MYZAP: variants seen among roughly 807,000 people sequenced by gnomAD.
MYZAP encodes the protein myocardial zonula adherens protein, also known as GRINL1A complex locus upstream.
MYZAP carries 66 observed loss-of-function variants against 69.4 expected under a neutral mutation model. That is an observed-to-expected ratio of 0.95 (90% CI 0.78 to 1.17). The LOEUF (loss-of-function observed/expected upper bound fraction) is 1.17. MYZAP is among the 50% of genes most tolerant of loss of function. MYZAP has a pLI of 0.00. For missense variants in MYZAP, 611 were observed against 556.2 expected (o/e 1.10, Z -0.99); for synonymous variants, 256 against 205.9 (o/e 1.24, Z -2.09).
At chr15:57,647,239 C>T (rs1370889398) in intron 10 of MYZAP, 2 of 985,296 alleles carry the variant, frequency 2.0e-6, no homozygotes, top group African/African-American at 3.5e-5. Context: ...TACTTTTCCG[C>T]ATTAGTTATT....
In MYZAP at chr15:57,637,702, A is replaced by G. The variant is rs1319616605; in HGVS notation, c.941A>G (p.His314Arg). 2 of 1,612,822 alleles carry G rather than the reference A, an allele frequency of 1.2e-6. No individual in the cohort carries two copies. Among genetic ancestry groups the G allele is most frequent in the Admixed American group, 3.3e-5 (2 of 59,964 alleles). Residue 314 changes from histidine (H) to arginine (R), a missense_variant, in exon 9 of 13, where the codon CAT (histidine) becomes CGT (arginine). By Grantham distance (29) the His-to-Arg change is conservative (BLOSUM62 0). Transcript: ENST00000267853. Reference sequence around the variant, plus strand: ...AGTTTCTGTTTGTTTTAGGAACGTCATCAACTGCAACTTCAACTCCTAGAA... The same window carrying G: ...AGTTTCTGTTTGTTTTAGGAACGTCGTCAACTGCAACTTCAACTCCTAGAA... ...RLIERMEKER[H>R]QLQLQLLEHE... is the part of the protein sequence containing the mutation.
At chr15:57,620,793 T>A (rs2140393575) in intron 3 of MYZAP, among the ~76,000 whole-genome samples, 1 of 152,246 alleles carries the variant, frequency 6.6e-6, no homozygotes, top group Admixed American at 6.5e-5. Flanking sequence ...TTTGGTTTCT[T>A]TGGTCCTCTT....
At chr15:57,667,915 T>G (rs2038664256) in intron 11 of MYZAP, among the ~76,000 whole-genome samples, 1 of 152,226 alleles carries the variant, frequency 6.6e-6, no homozygotes, top group African/African-American at 2.4e-5. Context: ...GCAACCCAGC[T>G]TTCCATTCAT....
Position 57,675,003 on chromosome 15 carries a change from A to C in MYZAP, c.1239A>C (p.Thr413=). ...TACAAAGCAGGTTGGACTATTTAAC[A>C]GAAACCCAGGCCAAGACCGAAGTGG... ...NELQSRLDYL[T]ETQAKTEVET... is the part of the protein sequence containing the mutation. Residue 413 remains threonine (T), a synonymous_variant, in exon 12 of 13, where the codon ACA becomes ACC. Coordinates refer to ENST00000267853, the MANE Select transcript of MYZAP (RefSeq NM_001018100.5). 1.9e-6 allele frequency: 3 copies of C among 1,613,800 alleles called. No homozygotes were observed. The South Asian group carries it at 3.3e-5, about 18-fold the overall frequency.
intron 6 of MYZAP, among the ~76,000 whole-genome samples, chr15:57,630,630 A>G (rs1214310842): frequency 6.6e-6 from 1 of 152,160 alleles, no homozygotes; most frequent in African/African-American, 2.4e-5. Context: ...CCTTAGCTGA[A>G]CTTCTAATGC....
intron 10 of MYZAP, among the ~76,000 whole-genome samples, chr15:57,644,211 C>T (rs2037324036): frequency 6.6e-6 from 1 of 152,166 alleles, no homozygotes; most frequent in African/African-American, 2.4e-5. Context: ...GTTTCATGTT[C>T]ATGCATTTGG....
At chr15:57,682,638 C>A (rs914425786) in intron 12 of MYZAP, among the ~76,000 whole-genome samples, 1 of 152,246 alleles carries the variant, frequency 6.6e-6, no homozygotes, top group East Asian at 1.9e-4. Context: ...CCTTAAAAAC[C>A]TGCTGTAGTT....
chr15:57,683,427 A>G lies in MYZAP; in HGVS notation c.1305-975A>G, dbSNP rs944232966. Reference sequence around the variant, plus strand: ...AGCACAGCTGTTATGTCTCTGTTATAGTTCCTAACACAGTACATGAAAATT... The same window carrying G: ...AGCACAGCTGTTATGTCTCTGTTATGGTTCCTAACACAGTACATGAAAATT... On this transcript the variant is annotated intron_variant, in intron 12 of 12. Coordinates refer to ENST00000267853, the MANE Select transcript of MYZAP (RefSeq NM_001018100.5). Among the ~76,000 whole-genome samples, 5 of 152,322 alleles carry G rather than the reference A, an allele frequency of 3.3e-5. No homozygotes were observed. In the East Asian group the frequency reaches 9.7e-4, roughly 29 times the overall value.
At chr15:57,610,918 G>T (rs779483051) in intron 2 of MYZAP, among the ~76,000 whole-genome samples, 8 of 152,110 alleles carry the variant, frequency 5.3e-5, no homozygotes, top group Non-Finnish European at 1.2e-4. Context: ...GCCACTTTGG[G>T]GGTGAATATT....
chr15:57,603,898 T>C (rs906813788), intron 1 of MYZAP, among the ~76,000 whole-genome samples: 2 of 152,214 alleles, frequency 1.3e-5, no homozygotes, highest in African/African-American at 4.8e-5. Flanking sequence ...CCCTTCCCAA[T>C]AGAGATATCC....
chr15:57,619,273 C>T (rs766994339), intron 3 of MYZAP, among the ~76,000 whole-genome samples: 4 of 152,178 alleles, frequency 2.6e-5, no homozygotes, highest in Non-Finnish European at 4.4e-5. Context: ...AAAATTAGCA[C>T]GCATATACAT....
intron 2 of MYZAP, among the ~76,000 whole-genome samples, chr15:57,608,027 C>G (rs1409715201): frequency 6.6e-6 from 1 of 152,226 alleles, no homozygotes; most frequent in Non-Finnish European, 1.5e-5. Context: ...AACTTTGGTT[C>G]CTTTGAAGGG....
chr15:57,605,555 G>A (rs748169171), intron 2 of MYZAP, among the ~76,000 whole-genome samples: 9 of 152,060 alleles, frequency 5.9e-5, no homozygotes, highest in Non-Finnish European at 8.8e-5. Flanking sequence ...GTCTCTCCTT[G>A]CCCTCTCCTC....
intron 1 of MYZAP, among the ~76,000 whole-genome samples, chr15:57,599,257 A>G (rs2034257592): frequency 6.6e-6 from 1 of 151,888 alleles, no homozygotes. Flanking sequence ...CCACAAAGCT[A>G]TCCTGTCTCT....
intron 12 of MYZAP, among the ~76,000 whole-genome samples, chr15:57,675,327 T>A (rs1223252138): frequency 2.0e-5 from 3 of 152,062 alleles, no homozygotes; most frequent in Admixed American, 2.0e-4. Context: ...ATGCATTTGT[T>A]CCTTCCTTCC....
In MYZAP at chr15:57,685,176, A is replaced by AC. The variant is rs1555466386; in HGVS notation, c.*678_*679insC. ...AATCACTGTATTTATTCAACTAGTGATTTTTTTTTCTTTCTCACTTTAACT... is the reference window on the plus strand; with the variant it reads ...AATCACTGTATTTATTCAACTAGTGACTTTTTTTTTCTTTCTCACTTTAACT... On this transcript the variant is annotated 3_prime_UTR_variant, in exon 13 of 13. Coordinates refer to ENST00000267853, the MANE Select transcript of MYZAP (RefSeq NM_001018100.5). 2.0e-5 allele frequency: 3 copies of AC among 151,286 alleles called. No individual in the cohort carries two copies. The highest frequency in any genetic ancestry group is 1.3e-4 in the Admixed American group (2 of 15,170). 9.4% of individuals were successfully genotyped at this position (151,286 alleles called of 1,614,324 possible). A position where few individuals can be genotyped will look rare whatever the true frequency, so the allele number is the denominator to read the frequency against.
chr15:57,641,938 A>G (rs1407284822), intron 10 of MYZAP, among the ~76,000 whole-genome samples: 2 of 152,192 alleles, frequency 1.3e-5, no homozygotes, highest in Admixed American at 1.3e-4. Context: ...CCAAGGAGAG[A>G]TGGGAGCTGA....
chr15:57,604,553 C>T (rs1230157576), intron 2 of MYZAP, among the ~76,000 whole-genome samples, 198 bp downstream of exon 2: 2 of 152,186 alleles, frequency 1.3e-5, no homozygotes, highest in Non-Finnish European at 2.9e-5. Context: ...CTGCCACCGA[C>T]GTGCCCTGCT....
chr15:57,611,262 T>A (rs932910987), intron 2 of MYZAP, among the ~76,000 whole-genome samples: 9 of 152,308 alleles, frequency 5.9e-5, no homozygotes, highest in Non-Finnish European at 1.2e-4. Context: ...TAGTAGATAG[T>A]GGATTTGCAA....
Sources: allele counts gnomAD v4.1 joint callset (sites outside exome capture counted in the v4.1 genomes callset), GRCh38; gene constraint gnomAD v4.1.1; transcripts MANE v1.5; gene names NCBI Gene and HGNC (gene_info 2026-07-23, HGNC 2026-07-21).